SDHA: variants seen among roughly 807,000 people sequenced by gnomAD.
SDHA encodes the protein succinate dehydrogenase [ubiquinone] flavoprotein subunit, mitochondrial.
SDHA carries 48 observed loss-of-function variants against 78.4 expected under a neutral mutation model. The observed-to-expected ratio is 0.61, with a 90% CI of 0.49 to 0.78. The LOEUF (loss-of-function observed/expected upper bound fraction) is 0.78, where lower values mean the gene tolerates loss of function less well. Among genes scored for constraint, SDHA ranks in the 30% least tolerant of loss-of-function variants. The probability of loss-of-function intolerance (pLI) is 0.00; values close to 1 mark genes in which losing one functional copy is unlikely to be tolerated. For missense variants in SDHA, 680 were observed against 892.7 expected (o/e 0.76, Z 3.04); for synonymous variants, 326 against 353.9 (o/e 0.92, Z 0.88).
downstream of SDHA, among the ~76,000 whole-genome samples, chr5:259,633 C>A (rs534866461): frequency 1.3e-3 from 11 of 8,694 alleles, no homozygotes; most frequent in South Asian, 0.021. Flanking sequence ...GCCTCCCGTC[C>A]GAGCATTACC....
chr5:263,046 C>A, the SDHA span, among the ~76,000 whole-genome samples: 2 of 152,046 alleles, frequency 1.3e-5, no homozygotes, highest in African/African-American at 4.8e-5. Flanking sequence ...CTCCAGCAAT[C>A]CTCCCACCTC....
At chr5:241,367 G>T (rs1284584486) in intron 11 of SDHA, among the ~76,000 whole-genome samples, 4 of 152,188 alleles carry the variant, frequency 2.6e-5, no homozygotes, top group Non-Finnish European at 5.9e-5. Flanking sequence ...ATGTCATCAT[G>T]CCTGGCTTCC....
chr5:245,453 G>T (rs528023612), intron 11 of SDHA, among the ~76,000 whole-genome samples: 11 of 152,304 alleles, frequency 7.2e-5, no homozygotes, highest in African/African-American at 2.6e-4. Context: ...TTGCGACAAG[G>T]CATGTTAAAC....
intron 6 of SDHA, among the ~76,000 whole-genome samples, chr5:230,305 GA>G (rs1735313042): frequency 6.6e-6 from 1 of 152,028 alleles, no homozygotes; most frequent in African/African-American, 2.4e-5. Context: ...GCTTATTGGG[GA>G]AACCTTTTGA....
At position 238,444 on chromosome 5, in the gene SDHA, TG is replaced by T. The variant is rs1186673401; in HGVS notation, c.1432+1846del. Among the ~76,000 whole-genome samples, 7 of 141,054 alleles carry T rather than the reference TG, an allele frequency of 5.0e-5. No individual in the cohort carries two copies. In the South Asian group the frequency reaches 6.3e-4, roughly 13 times the overall value. 92.5% of individuals were successfully genotyped at this position (141,054 alleles called of 152,430 possible). On this transcript the variant is annotated intron_variant, in intron 10 of 14. Coordinates refer to ENST00000264932, the MANE Select transcript of SDHA (RefSeq NM_004168.4). Reference sequence around the variant, plus strand: ...AAATACATATATATACACATATATATGTATTTTTTTTTTTTAAGAGATAGTC... The same window carrying T: ...AAATACATATATATACACATATATATTATTTTTTTTTTTTAAGAGATAGTC...
chr5:233,329 T>A, intron 7 of SDHA, 148 bp from the exon 8 acceptor site: 3 of 797,502 alleles, frequency 3.8e-6, no homozygotes, highest in Non-Finnish European at 4.2e-6. Flanking sequence ...TTCTACTGTA[T>A]CTTAACTGTC....
At chr5:230,172 T>G (rs1735302970) in intron 6 of SDHA, among the ~76,000 whole-genome samples, 1 of 150,686 alleles carries the variant, frequency 6.6e-6, no homozygotes. Flanking sequence ...ACAAAATAAA[T>G]CATCACGCTG....
chr5:240,893 T>C (rs1173942728), intron 11 of SDHA, among the ~76,000 whole-genome samples: 1 of 152,084 alleles, frequency 6.6e-6, no homozygotes, highest in African/African-American at 2.4e-5. Context: ...ATGGTATATA[T>C]GTACCACATT....
chr5:266,115 A>C, the SDHA span, among the ~76,000 whole-genome samples: 1 of 152,244 alleles, frequency 6.6e-6, no homozygotes, highest in African/African-American at 2.4e-5. Flanking sequence ...TCCAGGGACC[A>C]CAGTTTGAAA....
In SDHA at chr5:239,414, C is replaced by T. The variant is rs372670686; in HGVS notation, c.1433-944C>T. ...TCTACTGAAAATACAAAAAATTAGC[C>T]AGGTATGGTGGCATATTCCTGTAGT... On this transcript the variant is annotated intron_variant, in intron 10 of 14. Transcript: ENST00000264932. Among the ~76,000 whole-genome samples the T allele has an allele frequency of 2.6e-5, 4 of 151,986 alleles. No individual in the cohort carries two copies. In the East Asian group the frequency reaches 7.8e-4, roughly 30 times the overall value.
intron 5 of SDHA, among the ~76,000 whole-genome samples, chr5:226,974 C>CAGGA (rs1264203482): frequency 3.9e-4 from 59 of 151,218 alleles, no homozygotes; most frequent in African/African-American, 1.3e-3. Context: ...TCTCTTTTAC[C>CAGGA]ACCTCTGAGT....
chr5:230,558 G>A (rs34567554), intron 6 of SDHA, among the ~76,000 whole-genome samples: 2 of 151,980 alleles, frequency 1.3e-5, no homozygotes, highest in African/African-American at 2.4e-5. Flanking sequence ...CCTGGGAGCC[G>A]GAGGTTGCTG....
the SDHA span, among the ~76,000 whole-genome samples, chr5:263,637 C>T: frequency 7.9e-5 from 12 of 152,122 alleles, no homozygotes; most frequent in South Asian, 2.1e-4. Context: ...CATAAAAATG[C>T]GAACCAAAAA....
intron 13 of SDHA, among the ~76,000 whole-genome samples, chr5:254,175 A>G (rs1737030054): frequency 6.8e-6 from 1 of 147,732 alleles, no homozygotes. Context: ...ACATGCGGAC[A>G]TGGATTACTG....
At chr5:230,730 T>G in intron 6 of SDHA, 146 bp from the exon 7 acceptor site, 1 of 1,016,926 alleles carries the variant, frequency 9.8e-7, no homozygotes, top group Non-Finnish European at 1.5e-6. Flanking sequence ...TAGTGATATG[T>G]GTGGGGTGTG....
intron 11 of SDHA, chr5:249,818 T>TA (rs1343305884): frequency 1.3e-5 from 2 of 152,216 alleles, no homozygotes; most frequent in African/African-American, 4.8e-5. Flanking sequence ...AAGGAATAGA[T>TA]ACAATTGTCA....
intron 6 of SDHA, 98 bp from the exon 7 acceptor site, chr5:230,778 A>G: frequency 6.6e-7 from 1 of 1,516,512 alleles, no homozygotes; most frequent in Non-Finnish European, 9.2e-7. Context: ...CACTGAGAAG[A>G]CGGTGCTGGG....
the SDHA span, among the ~76,000 whole-genome samples, chr5:268,527 T>G: frequency 6.6e-6 from 1 of 152,132 alleles, no homozygotes; most frequent in Non-Finnish European, 1.5e-5. Flanking sequence ...AGAGTCAGCC[T>G]TGCTGCCCCT....
intron 11 of SDHA, among the ~76,000 whole-genome samples, chr5:246,379 G>C (rs980135727): frequency 6.0e-5 from 9 of 150,364 alleles, no homozygotes; most frequent in Non-Finnish European, 1.0e-4. Flanking sequence ...TTGAGCTGCA[G>C]CTGATCGAAA....
Sources: allele counts gnomAD v4.1 joint callset (sites outside exome capture counted in the v4.1 genomes callset), GRCh38; gene constraint gnomAD v4.1.1; transcripts MANE v1.5; gene names NCBI Gene and HGNC (gene_info 2026-07-23, HGNC 2026-07-21).